NRG1: variants seen among roughly 807,000 people sequenced by gnomAD.
NRG1 encodes the protein neuregulin 1.
A neutral mutation model predicts 63.8 loss-of-function variants in NRG1; 18 were observed. That is an observed-to-expected ratio of 0.28 (90% CI 0.19 to 0.42). The LOEUF (loss-of-function observed/expected upper bound fraction) is 0.42. Among genes scored for constraint, NRG1 ranks in the 10% least tolerant of loss-of-function variants. The probability of loss-of-function intolerance (pLI) is 1.00; values close to 1 mark genes in which losing one functional copy is unlikely to be tolerated. For missense variants in NRG1, 762 were observed against 814.7 expected, an observed-to-expected ratio of 0.94 and a Z score of 0.79; for synonymous variants, 302 against 301.3, an observed-to-expected ratio of 1.00 and a Z score of -0.02.
At chr8:32,336,693 T>C (rs2129477971) in intron 1 of NRG1, among the ~76,000 whole-genome samples, 1 of 152,292 alleles carries the variant, frequency 6.6e-6, no homozygotes, top group South Asian at 2.1e-4. Context: ...CACTGCAACC[T>C]CCGCCTCCCA....
intron 1 of NRG1, among the ~76,000 whole-genome samples, chr8:32,486,627 A>ATTTTTTTTTTTTTTTTTT (rs1554557143): frequency 6.9e-6 from 1 of 145,518 alleles, no homozygotes; most frequent in African/African-American, 2.6e-5. Flanking sequence ...GAATTGCTGG[A>ATTTTTTTTTTTTTTTTTT]TTTTTTTTTT....
chr8:32,693,517 G>A (rs182546150), intron 5 of NRG1, among the ~76,000 whole-genome samples: 1 of 150,268 alleles, frequency 6.7e-6, no homozygotes, highest in East Asian at 2.0e-4. Context: ...CACCCGGCCA[G>A]GTCACTCATT....
At chr8:31,839,225 C>T (rs1289548919) in intron 1 of NRG1, among the ~76,000 whole-genome samples, 2 of 152,128 alleles carry the variant, frequency 1.3e-5, no homozygotes, top group Non-Finnish European at 2.9e-5. Flanking sequence ...GTTCACTATT[C>T]GTTGCCCATT....
intron 1 of NRG1, among the ~76,000 whole-genome samples, chr8:32,045,364 A>G (rs912415902): frequency 3.3e-5 from 5 of 151,948 alleles, no homozygotes; most frequent in African/African-American, 1.2e-4. Context: ...TACCTTGTTC[A>G]TGGATTAAAA....
At chr8:31,815,691 C>A (rs1458434703) in intron 1 of NRG1, among the ~76,000 whole-genome samples, 1 of 152,152 alleles carries the variant, frequency 6.6e-6, no homozygotes, top group Non-Finnish European at 1.5e-5. Context: ...GCATCTGTAC[C>A]ATTTTGCATT....
chr8:31,794,695 G>A (rs942212860), intron 1 of NRG1, among the ~76,000 whole-genome samples: 6 of 152,068 alleles, frequency 3.9e-5, no homozygotes, highest in East Asian at 1.9e-4. Flanking sequence ...CATAGGTAGT[G>A]TTAGGTTGTG....
chr8:32,638,285 G>A (rs1024105151), intron 5 of NRG1, among the ~76,000 whole-genome samples: 3 of 152,046 alleles, frequency 2.0e-5, no homozygotes, highest in African/African-American at 7.3e-5. Flanking sequence ...TGCACGTTGT[G>A]CACATGTACC....
At chr8:32,520,176 T>A (rs1830196388) in intron 1 of NRG1, among the ~76,000 whole-genome samples, 1 of 152,178 alleles carries the variant, frequency 6.6e-6, no homozygotes, top group Non-Finnish European at 1.5e-5. Context: ...GTTGTTTGTT[T>A]TTGAGACAGG....
intron 1 of NRG1, among the ~76,000 whole-genome samples, chr8:32,595,262 T>C (rs1843149732): frequency 6.6e-6 from 1 of 152,112 alleles, no homozygotes; most frequent in Admixed American, 6.6e-5. Flanking sequence ...GGATCATGGC[T>C]CACTGCAGCA....
intron 1 of NRG1, among the ~76,000 whole-genome samples, chr8:32,341,187 G>A (rs969551141): frequency 2.0e-5 from 3 of 152,176 alleles, no homozygotes; most frequent in Admixed American, 6.5e-5. Context: ...TTTGTTCCAA[G>A]ATAACGTGCA....
At chr8:32,653,104 T>G (rs1341692630) in intron 5 of NRG1, among the ~76,000 whole-genome samples, 2 of 138,222 alleles carry the variant, frequency 1.4e-5, no homozygotes, top group African/African-American at 5.0e-5. Flanking sequence ...TTTGTTTTTC[T>G]TCTATTATTT....
intron 1 of NRG1, among the ~76,000 whole-genome samples, chr8:32,555,542 A>G (rs1448887353): frequency 2.0e-5 from 3 of 151,974 alleles, no homozygotes; most frequent in East Asian, 3.9e-4. Context: ...TGCCATCTCG[A>G]CTCACTGCAA....
At chr8:31,966,774 G>A (rs1488164073) in intron 1 of NRG1, among the ~76,000 whole-genome samples, 1 of 152,136 alleles carries the variant, frequency 6.6e-6, no homozygotes, top group African/African-American at 2.4e-5. Context: ...ATAGCAGAAA[G>A]AAGTTGAGTA....
Position 31,699,434 on chromosome 8 carries a change from A to G in NRG1, c.37+60003A>G, listed in dbSNP as rs191574473. ...AATCAGAATTCTGATAGTAAGAAAA[A>G]CATATTGTTTAGTTGCCCAAGTTGT... On this transcript the variant is annotated intron_variant, in intron 1 of 10. Coordinates refer to the NRG1 transcript ENST00000519301. 5.9e-5 allele frequency among the ~76,000 whole-genome samples: 9 copies of G among 152,280 alleles called. 1 individual carries two copies. The highest frequency in any genetic ancestry group is 5.2e-4 in the Admixed American group (8 of 15,294).
chr8:32,198,539 A>G (rs1843190792), intron 1 of NRG1, among the ~76,000 whole-genome samples: 1 of 152,198 alleles, frequency 6.6e-6, no homozygotes, highest in Non-Finnish European at 1.5e-5. Flanking sequence ...GTAATGCAGC[A>G]ATTGCTAGAA....
chr8:31,790,216 CT>C (rs1820568108), intron 1 of NRG1, among the ~76,000 whole-genome samples: 1 of 151,952 alleles, frequency 6.6e-6, no homozygotes, highest in South Asian at 2.1e-4. Flanking sequence ...AAGAAGGGAT[CT>C]TAAGAAATTT....
intron 1 of NRG1, among the ~76,000 whole-genome samples, chr8:31,749,278 AT>A (rs766599732): frequency 9.9e-5 from 15 of 152,006 alleles, no homozygotes; most frequent in Non-Finnish European, 1.9e-4. Flanking sequence ...CCGTTTTCTA[AT>A]GTATTAGTTT....
At chr8:32,604,972 A>T (rs1299171765) in intron 2 of NRG1, among the ~76,000 whole-genome samples, 6 of 152,178 alleles carry the variant, frequency 3.9e-5, no homozygotes, top group African/African-American at 1.4e-4. Context: ...AGAACCTTTC[A>T]TGTGGTACTA....
At chr8:32,412,427 T>TATATATATATATATATATATAC (rs1815144325) in intron 1 of NRG1, among the ~76,000 whole-genome samples, 2 of 48,398 alleles carry the variant, frequency 4.1e-5, no homozygotes, top group East Asian at 3.8e-4. Context: ...TCTCTACATA[T>TATATATATATATATATATATAC]ATATATATAT....
Sources: gnomAD v4.1 joint callset for allele counts (sites outside exome capture counted in the v4.1 genomes callset) on GRCh38, gnomAD v4.1.1 for gene constraint, MANE v1.5 for transcripts, NCBI Gene and HGNC (gene_info 2026-07-23, HGNC 2026-07-21) for gene names.